Variants in CD82 observed in about 807,000 individuals in gnomAD.
The protein encoded by CD82 is CD82 molecule, also known as CD82 antigen.
In CD82, 36 loss-of-function variants were observed where a neutral mutation model predicts 37.4. The ratio of observed to expected loss-of-function variants is 0.96; its 90% CI spans 0.74 to 1.27. CD82 has a LOEUF of 1.27. Ranked by LOEUF, CD82 falls within the 50% of genes most tolerant of loss-of-function variation. CD82 has a pLI of 0.00. For synonymous variants in CD82, 158 were observed against 137.4 expected (o/e 1.15, Z -1.05); for missense variants, 340 against 347.0 (o/e 0.98, Z 0.16).
intron 7 of CD82, among the ~76,000 whole-genome samples, chr11:44,617,101 A>AAGCG (rs1853575108): frequency 1.3e-5 from 2 of 152,256 alleles, no homozygotes; most frequent in Admixed American, 1.3e-4. Flanking sequence ...GCTAGGAAGG[A>AAGCG]AGCGGTCCAG....
At chr11:44,593,763 G>A (rs763557545) in intron 2 of CD82, among the ~76,000 whole-genome samples, 34 of 152,124 alleles carry the variant, frequency 2.2e-4, no homozygotes, top group Non-Finnish European at 5.0e-4. Context: ...AGAGGTCCAT[G>A]AACTCCCAGA....
At chr11:44,605,207 G>A in intron 5 of CD82, 25 bp downstream of exon 5, 1 of 1,609,858 alleles carries the variant, frequency 6.2e-7, no homozygotes, top group Non-Finnish European at 8.5e-7. Context: ...CTCCGCAGCT[G>A]CCTGCCCATT....
intron 3 of CD82, chr11:44,594,971 A>G (rs1853200984): frequency 3.8e-6 from 2 of 527,264 alleles, no homozygotes; most frequent in African/African-American, 1.9e-5. Context: ...AGATCACCCA[A>G]AGCCTGGGCT....
At position 44,619,087 on chromosome 11, in the gene CD82, C is replaced by T. The variant is rs761266322; in HGVS notation, c.765C>T (p.His255=). The change falls in exon 10 of 10, where the codon CAC becomes CAT. Residue 255 remains histidine (H), a synonymous_variant. Coordinates refer to ENST00000227155, the MANE Select transcript of CD82 (RefSeq NM_002231.4). ...GMVLSICLCR[H]VHSEDYSKVP... ...TCCTGTCCATCTGCTTGTGCCGGCA[C>T]GTCCATTCCGAAGACTACAGCAAGG... The T allele has an allele frequency of 7.2e-5, 117 of 1,613,834 alleles. No homozygotes were observed. The South Asian group carries it at 7.4e-4, about 10-fold the overall frequency.
intron 2 of CD82, chr11:44,587,758 C>T (rs1853078264): frequency 2.6e-6 from 1 of 377,908 alleles, no homozygotes; most frequent in Admixed American, 3.0e-5. Flanking sequence ...GGCAGCAGGT[C>T]CTGGCATTCA....
chr11:44,568,061 C>A (rs1022929589), intron 1 of CD82, among the ~76,000 whole-genome samples: 1 of 152,192 alleles, frequency 6.6e-6, no homozygotes, highest in Non-Finnish European at 1.5e-5. Context: ...AGGATAAGAA[C>A]TTTGGATCTG....
At chr11:44,590,212 A>C (rs1853120830) in intron 2 of CD82, among the ~76,000 whole-genome samples, 1 of 59,798 alleles carries the variant, frequency 1.7e-5, no homozygotes, top group Non-Finnish European at 3.2e-5. Context: ...TTTTCTGTAA[A>C]GGGCCAGATA....
Position 44,581,457 on chromosome 11 carries a change from G to A in CD82, c.-102-6018G>A, listed in dbSNP as rs531795282. On this transcript the variant is annotated intron_variant, in intron 1 of 9. Coordinates refer to ENST00000227155, the MANE Select transcript of CD82 (RefSeq NM_002231.4). ...CTAGTAATCATGCAAACATGTTTGCGTTTGTCATTGTTAAACACTTGAGTC... is the reference window on the plus strand; with the variant it reads ...CTAGTAATCATGCAAACATGTTTGCATTTGTCATTGTTAAACACTTGAGTC... 3.3e-5 allele frequency among the ~76,000 whole-genome samples: 5 copies of A among 152,290 alleles called. 1 individual carries two copies. Among genetic ancestry groups the A allele is most frequent in the African/African-American group, 9.6e-5 (4 of 41,558 alleles).
intron 1 of CD82, among the ~76,000 whole-genome samples, chr11:44,568,465 G>T (rs1461345969): frequency 6.6e-6 from 1 of 150,872 alleles, no homozygotes; most frequent in Non-Finnish European, 1.5e-5. Flanking sequence ...CCATGAAGGG[G>T]AGGCATCTGG....
At chr11:44,572,651 G>A (rs1188557047) in intron 1 of CD82, among the ~76,000 whole-genome samples, 3 of 152,178 alleles carry the variant, frequency 2.0e-5, no homozygotes, top group Non-Finnish European at 2.9e-5. Flanking sequence ...AGTGTAATCC[G>A]CCTTCCCATG....
At position 44,581,565 on chromosome 11, in the gene CD82, G is replaced by A. The variant is rs142934637; in HGVS notation, c.-102-5910G>A. Among the ~76,000 whole-genome samples, 68 of 152,368 alleles carry A rather than the reference G, an allele frequency of 4.5e-4. 1 individual carries two copies. The highest frequency in any genetic ancestry group is 5.3e-4 in the Non-Finnish European group (36 of 68,038). On this transcript the variant is annotated intron_variant, in intron 1 of 9. Coordinates refer to ENST00000227155, the MANE Select transcript of CD82 (RefSeq NM_002231.4). Reference sequence around the variant, plus strand: ...TGTATAATTGCTCATGTTCATGTCTGAGCCTCTCCAGACTGGGTGCTCCCT... The same window carrying A: ...TGTATAATTGCTCATGTTCATGTCTAAGCCTCTCCAGACTGGGTGCTCCCT...
chr11:44,581,797 C>T (rs908666637), intron 1 of CD82, among the ~76,000 whole-genome samples: 1 of 152,166 alleles, frequency 6.6e-6, no homozygotes, highest in African/African-American at 2.4e-5. Context: ...GGTGCGGTTC[C>T]CTATGAGGTC....
At position 44,615,385 on chromosome 11, in the gene CD82, C is replaced by T. The variant is rs765890079; in HGVS notation, c.438+12C>T. 1.7e-5 allele frequency: 26 copies of T among 1,566,788 alleles called. No homozygotes were observed. The Middle Eastern group carries it at 5.1e-4, about 31-fold the overall frequency. ...ACGTGCAGGCTCAGGTGAGGTGGGG[C>T]GGGGCTGCAGGAGGCTCTCTGGCCT... On this transcript the variant is annotated intron_variant, in intron 7 of 9. Coordinates refer to ENST00000227155, the MANE Select transcript of CD82 (RefSeq NM_002231.4).
chr11:44,596,422 T>G (rs947212802), intron 3 of CD82, among the ~76,000 whole-genome samples: 10 of 152,248 alleles, frequency 6.6e-5, no homozygotes, highest in African/African-American at 2.4e-4. Context: ...ATCACGGAGC[T>G]TGGGTTTCAG....
intron 1 of CD82, among the ~76,000 whole-genome samples, chr11:44,577,091 G>A (rs1317390526): frequency 6.6e-6 from 1 of 152,054 alleles, no homozygotes; most frequent in Non-Finnish European, 1.5e-5. Context: ...TTCGCTGTTG[G>A]CCAAGAACCC....
rs2134692318 is a variant in CD82, at chr11:44,615,271, G to A, written c.337-1G>A. ...CCTGACCTTTGTCCTCCCCCCTGCA[G>A]CTGAAGCAGGAGATGGGCGGCATCG... On this transcript the variant is annotated splice_acceptor_variant, in intron 6 of 9. Coordinates refer to ENST00000227155, the MANE Select transcript of CD82 (RefSeq NM_002231.4). LOFTEE classifies it high-confidence loss of function. 3.1e-6 allele frequency: 5 copies of A among 1,604,070 alleles called. No individual in the cohort carries two copies. In the South Asian group the frequency reaches 3.3e-5, roughly 11 times the overall value.
intron 1 of CD82, chr11:44,573,367 G>T (rs1468079864): frequency 6.6e-6 from 1 of 152,228 alleles, no homozygotes; most frequent in Non-Finnish European, 1.5e-5. Context: ...TTTGCAGTGG[G>T]ACCTATGAGA....
At chr11:44,602,692 C>T (rs1441683039) in intron 4 of CD82, among the ~76,000 whole-genome samples, 2 of 151,944 alleles carry the variant, frequency 1.3e-5, no homozygotes, top group African/African-American at 4.8e-5. Flanking sequence ...TTTTTTTTTC[C>T]ATGCCCTGTG....
At chr11:44,607,542 G>C (rs554157075) in intron 6 of CD82, among the ~76,000 whole-genome samples, 2 of 152,332 alleles carry the variant, frequency 1.3e-5, no homozygotes, top group African/African-American at 4.8e-5. Context: ...CCTCTGCAGG[G>C]ATCTTGGGCA....
Sources: allele counts gnomAD v4.1 joint callset (sites outside exome capture counted in the v4.1 genomes callset), GRCh38; gene constraint gnomAD v4.1.1; transcripts MANE v1.5; gene names NCBI Gene and HGNC (gene_info 2026-07-23, HGNC 2026-07-21).